Variants in GRM7 observed in about 807,000 individuals in gnomAD.
GRM7 encodes the protein glutamate metabotropic receptor 7.
GRM7 carries 35 observed loss-of-function variants against 84.5 expected under a neutral mutation model. That is an observed-to-expected ratio of 0.41 (90% CI 0.32 to 0.55). The LOEUF is 0.55. Ranked by LOEUF, GRM7 falls within the 20% of genes least tolerant of loss-of-function variation. GRM7 has a pLI of 0.19. For synonymous variants in GRM7, 487 were observed against 455.1 expected (o/e 1.07, Z -0.89); for missense variants, 1,003 against 1,194.6 (o/e 0.84, Z 2.36).
intron 1 of GRM7, among the ~76,000 whole-genome samples, chr3:6,869,970 A>G (rs1015866175): frequency 1.3e-5 from 2 of 152,006 alleles, no homozygotes; most frequent in Admixed American, 6.6e-5. Context: ...ATGCTTGGAC[A>G]CATCAGTAAA....
chr3:7,524,018 G>A (rs546165450), intron 7 of GRM7, among the ~76,000 whole-genome samples: 6 of 152,162 alleles, frequency 3.9e-5, no homozygotes, highest in South Asian at 2.1e-4. Flanking sequence ...GAGAGATCAC[G>A]GAGGCTAGGA....
At chr3:7,209,417 T>C (rs1696346943) in intron 2 of GRM7, among the ~76,000 whole-genome samples, 1 of 151,998 alleles carries the variant, frequency 6.6e-6, no homozygotes, top group Admixed American at 6.6e-5. Flanking sequence ...GATAGATAAA[T>C]GAATAAGGAC....
chr3:7,587,558 T>C (rs955240798), intron 8 of GRM7, among the ~76,000 whole-genome samples: 1 of 152,234 alleles, frequency 6.6e-6, no homozygotes, highest in African/African-American at 2.4e-5. Context: ...GAAGGCCCTG[T>C]GTGCCCTATT....
intron 1 of GRM7, among the ~76,000 whole-genome samples, chr3:7,055,568 T>A (rs1697191362): frequency 6.6e-6 from 1 of 151,452 alleles, no homozygotes; most frequent in South Asian, 2.1e-4. Flanking sequence ...TCACCCAGGC[T>A]GGAGTGCAGT....
chr3:6,943,894 A>G (rs969487153), intron 1 of GRM7, among the ~76,000 whole-genome samples: 1 of 152,026 alleles, frequency 6.6e-6, no homozygotes, highest in African/African-American at 2.4e-5. Context: ...GGTGTTGTAC[A>G]TCTTTTGTTG....
chr3:7,718,757 G>A (rs1401979381), intron 9 of GRM7, among the ~76,000 whole-genome samples: 2 of 152,156 alleles, frequency 1.3e-5, no homozygotes, highest in South Asian at 4.1e-4. Flanking sequence ...TGGCCTCCAG[G>A]TCTGCTTCAG....
chr3:7,718,498 A>G (rs751358551), intron 9 of GRM7, among the ~76,000 whole-genome samples: 2 of 152,200 alleles, frequency 1.3e-5, no homozygotes, highest in Non-Finnish European at 2.9e-5. Flanking sequence ...GAGAGCTCAG[A>G]CTTGGAAATA....
chr3:7,630,254 TAGA>T (rs1458484552), intron 8 of GRM7, among the ~76,000 whole-genome samples: 4 of 152,166 alleles, frequency 2.6e-5, no homozygotes, highest in East Asian at 3.9e-4. Context: ...GACTACAGGA[TAGA>T]AGAAGAATTT....
intron 9 of GRM7, among the ~76,000 whole-genome samples, chr3:7,713,721 C>G (rs1054506188): frequency 6.7e-6 from 1 of 149,010 alleles, no homozygotes; most frequent in African/African-American, 2.5e-5. Context: ...AATTGTAAAA[C>G]TGCAACAGAA....
intron 1 of GRM7, among the ~76,000 whole-genome samples, chr3:7,082,406 T>TAA (rs201131304): frequency 6.6e-6 from 1 of 151,074 alleles, no homozygotes; most frequent in African/African-American, 2.4e-5. Context: ...TACTACTCGG[T>TAA]AAAAAAAAAG....
chr3:7,403,632 T>TATATATATA (rs1236520591), intron 4 of GRM7, among the ~76,000 whole-genome samples: 1 of 144,854 alleles, frequency 6.9e-6, no homozygotes, highest in Non-Finnish European at 1.5e-5. Context: ...GATATATATA[T>TATATATATA]ATATATATAT....
intron 6 of GRM7, among the ~76,000 whole-genome samples, chr3:7,458,147 C>T (rs1169058268): frequency 1.3e-5 from 2 of 152,180 alleles, no homozygotes; most frequent in Non-Finnish European, 2.9e-5. Context: ...TCTATTCCTT[C>T]TCTGTCCAAG....
At chr3:7,729,867 G>A (rs893088584) in intron 9 of GRM7, among the ~76,000 whole-genome samples, 14 of 127,722 alleles carry the variant, frequency 1.1e-4, no homozygotes, top group Admixed American at 5.6e-4. Flanking sequence ...CACCACCTCC[G>A]GCTTTTTTTT....
intron 7 of GRM7, among the ~76,000 whole-genome samples, chr3:7,502,120 C>G (rs1699903500): frequency 6.6e-6 from 1 of 152,098 alleles, no homozygotes; most frequent in African/African-American, 2.4e-5. Context: ...CTATCCTTAT[C>G]TATAAAATCC....
At chr3:7,110,591 TCA>T (rs370212342) in intron 1 of GRM7, among the ~76,000 whole-genome samples, 8,105 of 143,552 alleles carry the variant, frequency 0.056, 659 homozygotes, top group African/African-American at 0.18. Flanking sequence ...CGATACTCTG[TCA>T]CACACACACA....
At chr3:7,197,544 T>G (rs1055240970) in intron 2 of GRM7, among the ~76,000 whole-genome samples, 4 of 152,176 alleles carry the variant, frequency 2.6e-5, no homozygotes, top group African/African-American at 9.7e-5. Flanking sequence ...TGTTAATTGT[T>G]CAAGATAATG....
chr3:7,361,138 G>A (rs1008703684), intron 4 of GRM7, among the ~76,000 whole-genome samples: 45 of 151,870 alleles, frequency 3.0e-4, no homozygotes, highest in African/African-American at 9.7e-4. Context: ...TTTCTTATTC[G>A]TTGATTTATT....
At chr3:7,600,452 A>C (rs1696258215) in intron 8 of GRM7, among the ~76,000 whole-genome samples, 1 of 151,950 alleles carries the variant, frequency 6.6e-6, no homozygotes, top group Non-Finnish European at 1.5e-5. Context: ...TGTCAATAAA[A>C]ACCTCTTGGT....
intron 5 of GRM7, among the ~76,000 whole-genome samples, chr3:7,418,249 T>TA: frequency 6.6e-6 from 1 of 152,276 alleles, no homozygotes; most frequent in Middle Eastern, 3.4e-3. Context: ...TTCTTCCTCT[T>TA]ACCTTCCTTC....
Sources: allele counts gnomAD v4.1 joint callset (sites outside exome capture counted in the v4.1 genomes callset), GRCh38; gene constraint gnomAD v4.1.1; transcripts MANE v1.5; gene names NCBI Gene and HGNC (gene_info 2026-07-23, HGNC 2026-07-21).